PSEN1: variants seen among roughly 807,000 people sequenced by gnomAD.
The protein encoded by PSEN1 is presenilin 1.
A neutral mutation model predicts 53.5 loss-of-function variants in PSEN1; 15 were observed. That is an observed-to-expected ratio of 0.28 (90% confidence interval 0.19 to 0.43). The LOEUF (loss-of-function observed/expected upper bound fraction) is 0.43. Among genes scored for constraint, PSEN1 ranks in the 20% least tolerant of loss-of-function variants. PSEN1 has a pLI of 1.00. For synonymous variants in PSEN1, 208 were observed against 209.8 expected (o/e 0.99, Z 0.08); for missense variants, 387 against 571.2 (o/e 0.68, Z 3.29).
At chr14:73,158,736 A>G (rs1897441893) in intron 3 of PSEN1, among the ~76,000 whole-genome samples, 1 of 152,222 alleles carries the variant, frequency 6.6e-6, no homozygotes, top group African/African-American at 2.4e-5. Context: ...TGCTGGGATT[A>G]TAGGCATGAG....
At position 73,221,001 on chromosome 14, in the gene PSEN1, A is replaced by C. The variant is rs1900108414; in HGVS notation, c.*1712A>C. The C allele has an allele frequency of 6.6e-6, 1 of 152,312 alleles. No homozygotes were observed. Among genetic ancestry groups the C allele is most frequent in the Admixed American group, 6.5e-5 (1 of 15,296 alleles). 9.4% of individuals were successfully genotyped at this position (152,312 alleles called of 1,614,324 possible). A position where few individuals can be genotyped will look rare whatever the true frequency, so the allele number is the denominator to read the frequency against. On this transcript the variant is annotated 3_prime_UTR_variant, in exon 12 of 12. Transcript: ENST00000324501. ...TCTTTTGCCTGCTGTTTTCTCTCCC[A>C]ATCTATGATATGATATGACCTGGTT...
chr14:73,192,902 TG>T, intron 7 of PSEN1, 38 bp downstream of exon 7: 1 of 1,484,756 alleles, frequency 6.7e-7, no homozygotes, highest in Non-Finnish European at 9.4e-7. Flanking sequence ...GTCACAGGAA[TG>T]CCCCACTGGA....
chr14:73,172,527 G>A (rs1897922778), intron 4 of PSEN1, among the ~76,000 whole-genome samples: 1 of 152,198 alleles, frequency 6.6e-6, no homozygotes. Flanking sequence ...TCACAAATTT[G>A]TGAATAAACT....
intron 9 of PSEN1, chr14:73,208,767 C>T: frequency 4.5e-6 from 2 of 445,078 alleles, no homozygotes; most frequent in Non-Finnish European, 9.0e-6. Context: ...CTCCAGGCTT[C>T]AGGCTTTCCC....
rs751974771 is a variant in PSEN1 at position 73,206,346 on chromosome 14, T to C, written c.869-40T>C. On this transcript the variant is annotated intron_variant, in intron 8 of 11. Transcript: ENST00000324501. ...CTTGTTGTTGTCTATGCATACTTTG[T>C]GTGTCCAGTGCTTACCTGGAATTTT... The C allele has an allele frequency of 6.3e-6, 9 of 1,424,930 alleles. No individual in the cohort carries two copies. In the Admixed American group the frequency reaches 1.2e-4, roughly 19 times the overall value. The allele number at this position is 1,424,930 out of a possible 1,614,324, so 88.3% of individuals were successfully genotyped here.
At chr14:73,191,426 TCCC>T (rs1368690518) in intron 6 of PSEN1, among the ~76,000 whole-genome samples, 1 of 152,214 alleles carries the variant, frequency 6.6e-6, no homozygotes, top group Non-Finnish European at 1.5e-5. Flanking sequence ...ATGATTCTTC[TCCC>T]GCTTTGAAGG....
At chr14:73,179,589 C>T (rs1157902653) in intron 5 of PSEN1, among the ~76,000 whole-genome samples, 3 of 152,132 alleles carry the variant, frequency 2.0e-5, no homozygotes, top group Admixed American at 6.6e-5. Flanking sequence ...TGCACTCCAG[C>T]CTGAGCTACA....
At chr14:73,193,369 A>G (rs1444262246) in intron 7 of PSEN1, among the ~76,000 whole-genome samples, 2 of 151,378 alleles carry the variant, frequency 1.3e-5, no homozygotes, top group Non-Finnish European at 2.9e-5. Context: ...ATATGGTGAA[A>G]CCCCGTCTCT....
chr14:73,200,084 T>G (rs1040642445), intron 8 of PSEN1, among the ~76,000 whole-genome samples: 1 of 152,174 alleles, frequency 6.6e-6, no homozygotes, highest in Admixed American at 6.5e-5. Context: ...TGTGCATACA[T>G]GCATGTGTGT....
chr14:73,149,376 C>CT (rs1235492478), intron 3 of PSEN1, among the ~76,000 whole-genome samples: 1 of 151,628 alleles, frequency 6.6e-6, no homozygotes, highest in African/African-American at 2.4e-5. Context: ...GCCTTGTAGG[C>CT]TTGTGTGTAC....
intron 1 of PSEN1, among the ~76,000 whole-genome samples, chr14:73,139,023 C>A (rs982515342): frequency 6.6e-6 from 1 of 151,784 alleles, no homozygotes; most frequent in Non-Finnish European, 1.5e-5. Context: ...GCGGCTCACG[C>A]CTGTAAACCC....
intron 3 of PSEN1, among the ~76,000 whole-genome samples, chr14:73,162,721 T>G (rs1222388092): frequency 6.6e-6 from 1 of 152,112 alleles, no homozygotes; most frequent in African/African-American, 2.4e-5. Flanking sequence ...GATACATAGT[T>G]AAGTGGAGAA....
rs1261025840 is a variant in PSEN1 at position 73,221,795 on chromosome 14, T to G, written c.*2506T>G. On this transcript the variant is annotated 3_prime_UTR_variant, in exon 12 of 12. Transcript: ENST00000324501. ...CATTCCTAAAACATCCAAATGCTAG[T>G]CTTCCACCATGAAAAATAGATTGTC... is the stretch of plus-strand genomic sequence containing the variant. The G allele has an allele frequency of 6.6e-6, 1 of 152,186 alleles. No individual in the cohort carries two copies. Among genetic ancestry groups the G allele is most frequent in the Non-Finnish European group, 1.5e-5 (1 of 68,044 alleles). 9.4% of individuals were successfully genotyped at this position (152,186 alleles called of 1,614,324 possible).
chr14:73,146,927 A>G (rs1897087365), intron 1 of PSEN1, among the ~76,000 whole-genome samples: 3 of 152,222 alleles, frequency 2.0e-5, no homozygotes, highest in Non-Finnish European at 2.9e-5. Flanking sequence ...TAGACAGGCA[A>G]ATGGGAATGT....
chr14:73,182,475 C>G (rs1239208975), intron 5 of PSEN1, among the ~76,000 whole-genome samples: 1 of 151,828 alleles, frequency 6.6e-6, no homozygotes, highest in East Asian at 1.9e-4. Flanking sequence ...CCAGCCTGGG[C>G]AACACAGTGA....
At chr14:73,206,357 C>A (rs1350207983) in intron 8 of PSEN1, 29 bp from the exon 9 acceptor site, 1 of 1,556,150 alleles carries the variant, frequency 6.4e-7, no homozygotes, top group Non-Finnish European at 8.9e-7. Flanking sequence ...GTGTCCAGTG[C>A]TTACCTGGAA....
At chr14:73,164,924 T>A (rs1897662611) in intron 3 of PSEN1, among the ~76,000 whole-genome samples, 1 of 152,226 alleles carries the variant, frequency 6.6e-6, no homozygotes, top group East Asian at 1.9e-4. Flanking sequence ...GCCATTTTTG[T>A]CTCTAACCAA....
At chr14:73,201,368 G>A (rs1196560906) in intron 8 of PSEN1, among the ~76,000 whole-genome samples, 1 of 152,214 alleles carries the variant, frequency 6.6e-6, no homozygotes, top group African/African-American at 2.4e-5. Flanking sequence ...TTACAGGCGT[G>A]AGCCACCGCG....
chr14:73,151,802 C>G (rs1469487781), intron 3 of PSEN1, among the ~76,000 whole-genome samples: 2 of 148,144 alleles, frequency 1.4e-5, no homozygotes, highest in Non-Finnish European at 3.0e-5. Context: ...CTCCTGAGCT[C>G]AAGTGATCCA....
Sources: allele counts gnomAD v4.1 joint callset (sites outside exome capture counted in the v4.1 genomes callset), GRCh38; gene constraint gnomAD v4.1.1; transcripts MANE v1.5; gene names NCBI Gene and HGNC (gene_info 2026-07-23, HGNC 2026-07-21).